Variants in TNIP3 observed in about 807,000 individuals in gnomAD.
TNIP3 encodes the protein TNFAIP3 interacting protein 3, also known as TNFAIP3-interacting protein 3.
In TNIP3, 34 loss-of-function variants were observed where a neutral mutation model predicts 54.1. The observed-to-expected ratio is 0.63, with a 90% CI of 0.48 to 0.84. The LOEUF is 0.84. Among genes scored for constraint, TNIP3 ranks in the 40% least tolerant of loss-of-function variants. TNIP3 has a pLI of 0.00. For synonymous variants in TNIP3, 134 were observed against 136.8 expected, an observed-to-expected ratio of 0.98 and a Z score of 0.14; for missense variants, 366 against 387.6, an observed-to-expected ratio of 0.94 and a Z score of 0.47.
chr4:121,209,692 T>C (rs149790323), intron 2 of TNIP3, among the ~76,000 whole-genome samples: 1,817 of 152,238 alleles, frequency 0.012, 32 homozygotes, highest in African/African-American at 0.041. Flanking sequence ...ATTAAACAAA[T>C]ACAGAAGATT....
chr4:121,174,417 A>G (rs992589757), intron 3 of TNIP3, among the ~76,000 whole-genome samples: 5 of 151,936 alleles, frequency 3.3e-5, no homozygotes, highest in Non-Finnish European at 5.9e-5. Context: ...AAATAATAAT[A>G]ATAATAAACA....
upstream of TNIP3, among the ~76,000 whole-genome samples, chr4:121,216,819 G>A (rs1444515545): frequency 6.6e-6 from 1 of 152,128 alleles, no homozygotes; most frequent in Non-Finnish European, 1.5e-5. Context: ...GAGCATGAAC[G>A]GTTAAAGTTG....
intron 1 of TNIP3, among the ~76,000 whole-genome samples, chr4:121,163,114 T>C (rs992539452): frequency 1.3e-5 from 2 of 152,114 alleles, no homozygotes; most frequent in African/African-American, 4.8e-5. Context: ...GAGTACTAGT[T>C]TTTGAAATTC....
chr4:121,159,328 T>C (rs556820049), intron 2 of TNIP3, among the ~76,000 whole-genome samples: 1 of 152,366 alleles, frequency 6.6e-6, no homozygotes, highest in South Asian at 2.1e-4. Context: ...CTGAACAGTT[T>C]ATCAGTAACT....
At chr4:121,136,017 T>C (rs1728760275) in intron 10 of TNIP3, among the ~76,000 whole-genome samples, 1 of 152,194 alleles carries the variant, frequency 6.6e-6, no homozygotes, top group African/African-American at 2.4e-5. Context: ...TGATCAGCCC[T>C]CTTCTCTGCT....
At chr4:121,193,778 A>G (rs1725424822) in intron 2 of TNIP3, among the ~76,000 whole-genome samples, 1 of 152,186 alleles carries the variant, frequency 6.6e-6, no homozygotes, top group Non-Finnish European at 1.5e-5. Flanking sequence ...AGAAAAATCC[A>G]AACTATGATC....
At position 121,147,145 on chromosome 4, in the gene TNIP3, C is replaced by G. The variant is rs750649800; in HGVS notation, c.639G>C (p.Lys213Asn). 36 of 1,611,792 alleles carry G rather than the reference C, an allele frequency of 2.2e-5. No homozygotes were observed. The highest frequency in any genetic ancestry group is 1.7e-4 in the Admixed American group (10 of 59,750). ...TAAGTCTCTCTCGATCCGATCGTTCCTTTTTGAAGTCTTCTTCGTATATTT... is the reference window on the plus strand; with the variant it reads ...TAAGTCTCTCTCGATCCGATCGTTCGTTTTTGAAGTCTTCTTCGTATATTT... Reference protein sequence around the residue: ...QVQIYEEDFKKERSDRERLNQ... With the variant: ...QVQIYEEDFKNERSDRERLNQ... Residue 213 changes from lysine to asparagine, a missense_variant, in exon 7 of 11, where the codon AAG becomes AAC. Lys to Asn is a moderately conservative substitution (Grantham distance 94). Transcript: ENST00000057513.
rs1728526155 is a variant in TNIP3 at position 121,132,410 on chromosome 4, T to C, written c.*221A>G. ...AGTCTCATTTCAAGGAAACTGGAAG[T>C]TGTATTTGGTTGTATAATAACTGGC... On this transcript the variant is annotated 3_prime_UTR_variant, in exon 11 of 11. Coordinates refer to ENST00000057513, the MANE Select transcript of TNIP3 (RefSeq NM_024873.6). The C allele has an allele frequency of 6.8e-6, 3 of 444,290 alleles. No homozygotes were observed. Among genetic ancestry groups the C allele is most frequent in the Admixed American group, 7.8e-5 (2 of 25,506 alleles). 27.5% of individuals were successfully genotyped at this position (444,290 alleles called of 1,614,324 possible).
chr4:121,219,694 T>A (rs1726952200), upstream of TNIP3, among the ~76,000 whole-genome samples: 1 of 152,228 alleles, frequency 6.6e-6, no homozygotes, highest in South Asian at 2.1e-4. Flanking sequence ...TTGAAAATGT[T>A]ATATAAAAAA....
At position 121,197,556 on chromosome 4, in the gene TNIP3, C is replaced by G. The variant is rs75115139; in HGVS notation, c.69-14760G>C. 9.8e-4 allele frequency among the ~76,000 whole-genome samples: 148 copies of G among 150,722 alleles called. 4 individuals carry two copies. In the East Asian group the frequency reaches 0.021, roughly 21 times the overall value. ...CAAAAAAAAAAAAAAAAAAGAACAC[C>G]TAAGTTCAAGCTAAAATACACATTT... On this transcript the variant is annotated intron_variant, in intron 2 of 12. Coordinates refer to the TNIP3 transcript ENST00000507879.
At position 121,132,955 on chromosome 4, in the gene TNIP3, T is replaced by C. The variant is rs536968146; in HGVS notation, c.947-293A>G. The stretch of plus-strand genomic sequence containing the variant: ...TCTCACTCTTGCTGGCATTTTGGCT[T>C]GGGCATGTGAAAGTAAGTCATATAT... On this transcript the variant is annotated intron_variant, in intron 10 of 10. Coordinates refer to ENST00000057513, the MANE Select transcript of TNIP3 (RefSeq NM_024873.6). Among the ~76,000 whole-genome samples, 50 of 152,290 alleles carry C rather than the reference T, an allele frequency of 3.3e-4. 1 individual carries two copies. In the South Asian group the frequency reaches 9.3e-3, roughly 28 times the overall value.
intron 9 of TNIP3, among the ~76,000 whole-genome samples, chr4:121,138,986 T>C (rs1728952339): frequency 6.6e-6 from 1 of 152,198 alleles, no homozygotes. Flanking sequence ...TAAACACTTG[T>C]AAAACTTACT....
At chr4:121,184,397 T>C (rs770893146) in intron 2 of TNIP3, among the ~76,000 whole-genome samples, 1 of 152,224 alleles carries the variant, frequency 6.6e-6, no homozygotes, top group Non-Finnish European at 1.5e-5. Flanking sequence ...TGATATGACT[T>C]GAACTTGCCT....
At chr4:121,190,755 C>T (rs187636871) in intron 2 of TNIP3, among the ~76,000 whole-genome samples, 7 of 152,194 alleles carry the variant, frequency 4.6e-5, no homozygotes, top group East Asian at 1.9e-4. Flanking sequence ...GAACCTTAAC[C>T]GAAGTGTTGA....
chr4:121,202,085 A>G (rs1256079337), intron 2 of TNIP3, among the ~76,000 whole-genome samples: 1 of 152,178 alleles, frequency 6.6e-6, no homozygotes, highest in East Asian at 1.9e-4. Flanking sequence ...AACCAAAAAA[A>G]GAGCCCACAC....
intron 10 of TNIP3, chr4:121,137,797 A>G (rs985916199): frequency 1.9e-5 from 7 of 364,302 alleles, no homozygotes; most frequent in Non-Finnish European, 3.8e-5. Context: ...GCTCATCTTC[A>G]GCATTTTTAG....
At chr4:121,154,713 C>G (rs1241846671) in intron 4 of TNIP3, 34 bp from the exon 5 acceptor site, 1 of 1,559,746 alleles carries the variant, frequency 6.4e-7, no homozygotes. Context: ...AAATAAAAGT[C>G]AGTACAAGTC....
At chr4:121,174,514 A>G (rs996968128) in intron 3 of TNIP3, among the ~76,000 whole-genome samples, 2 of 152,208 alleles carry the variant, frequency 1.3e-5, no homozygotes, top group Admixed American at 6.5e-5. Context: ...AACATGGGTG[A>G]TACAAGGAAC....
At chr4:121,148,265 C>A (rs144541250) in intron 6 of TNIP3, among the ~76,000 whole-genome samples, 1 of 152,236 alleles carries the variant, frequency 6.6e-6, no homozygotes, top group East Asian at 1.9e-4. Flanking sequence ...GTAATGATTG[C>A]GGGTGCCTGA....
Sources: gnomAD v4.1 joint callset for allele counts (sites outside exome capture counted in the v4.1 genomes callset) on GRCh38, gnomAD v4.1.1 for gene constraint, MANE v1.5 for transcripts, NCBI Gene and HGNC (gene_info 2026-07-23, HGNC 2026-07-21) for gene names.